Variants in ZNF90 observed in about 807,000 individuals in gnomAD.
ZNF90 encodes the protein zinc finger protein 90.
ZNF90 carries 11 observed loss-of-function variants against 12.0 expected under a neutral mutation model. That is an observed-to-expected ratio of 0.92 (90% CI 0.58 to 1.52). The LOEUF (loss-of-function observed/expected upper bound fraction) is 1.52. Among genes scored for constraint, ZNF90 ranks in the 40% most tolerant of loss-of-function variants. The pLI is 0.00. For synonymous variants in ZNF90, 232 were observed against 240.1 expected, an observed-to-expected ratio of 0.97 and a Z score of 0.31; for missense variants, 765 against 711.5, an observed-to-expected ratio of 1.08 and a Z score of -0.86.
chr19:20,112,233 AT>A lies in ZNF90; in HGVS notation c.227-5532del, dbSNP rs35771879. ...AAAGGTTTCATGTATAATAATTTTG[AT>A]TTTTTTTTTTTTTTTGAGACTGAGT... On this transcript the variant is annotated intron_variant, in intron 3 of 3. Transcript: ENST00000418063. 4.5e-3 allele frequency among the ~76,000 whole-genome samples: 620 copies of A among 137,364 alleles called. 1 individual carries two copies. Among genetic ancestry groups the A allele is most frequent in the African/African-American group, 5.0e-3 (185 of 37,172 alleles). 90.1% of individuals were successfully genotyped at this position (137,364 alleles called of 152,430 possible).
intron 3 of ZNF90, among the ~76,000 whole-genome samples, chr19:20,106,548 G>C (rs1568289232): frequency 6.6e-6 from 1 of 152,184 alleles, no homozygotes. Flanking sequence ...CCGCCTCCCA[G>C]GTTCACGCCA....
intron 3 of ZNF90, among the ~76,000 whole-genome samples, chr19:20,116,755 A>AT (rs776222433): frequency 4.2e-4 from 63 of 151,796 alleles, no homozygotes; most frequent in Admixed American, 1.4e-3. Context: ...TAAATGGCTT[A>AT]TTTTTTTTAA....
Position 20,118,744 on chromosome 19 carries a change from A to G in ZNF90, c.1190A>G (p.Tyr397Cys). 2 of 1,608,834 alleles carry G rather than the reference A, an allele frequency of 1.2e-6. No homozygotes were observed. The highest frequency in any genetic ancestry group is 8.5e-7 in the Non-Finnish European group (1 of 1,177,510). ...ATAAGTCATAGTGAAAAGAAACCCT[A>G]CAAATGTGAAGAATGTGGCAAAGCC... ...HKISHSEKKP[Y>C]KCEECGKAFK... is the part of the protein sequence containing the mutation. Residue 397 changes from tyrosine to cysteine, a missense_variant, in exon 4 of 4, where the codon TAC becomes TGC. Tyr to Cys is a radical substitution (Grantham distance 194). Coordinates refer to ENST00000418063, the MANE Select transcript of ZNF90 (RefSeq NM_007138.2).
intron 1 of ZNF90, among the ~76,000 whole-genome samples, chr19:20,092,859 A>T (rs950009251): frequency 5.9e-5 from 9 of 152,222 alleles, no homozygotes; most frequent in African/African-American, 2.2e-4. Flanking sequence ...TGTTGAGAAG[A>T]TTCAAAGGAG....
chr19:20,095,597 C>T (rs2088938093), intron 1 of ZNF90, among the ~76,000 whole-genome samples: 1 of 151,150 alleles, frequency 6.6e-6, no homozygotes, highest in African/African-American at 2.4e-5. Flanking sequence ...GATTGGGGCA[C>T]AGAGATAAGA....
At chr19:20,112,983 T>G (rs1175960163) in intron 3 of ZNF90, among the ~76,000 whole-genome samples, 3 of 152,146 alleles carry the variant, frequency 2.0e-5, no homozygotes, top group Non-Finnish European at 2.9e-5. Flanking sequence ...GTGGTTTGAT[T>G]TTTTTGTTTA....
At chr19:20,112,158 A>G (rs1555705206) in intron 3 of ZNF90, among the ~76,000 whole-genome samples, 2 of 150,994 alleles carry the variant, frequency 1.3e-5, no homozygotes, top group Non-Finnish European at 3.0e-5. Flanking sequence ...TGCCCAGTCG[A>G]TTTATTCAGA....
chr19:20,106,044 C>CT (rs56933917), intron 3 of ZNF90, among the ~76,000 whole-genome samples: 13,804 of 70,438 alleles, frequency 0.2, 1,120 homozygotes, highest in East Asian at 0.29. Context: ...CTAATTTTTT[C>CT]TTTTTTTTTT....
chr19:20,112,585 G>T (rs1416962573), intron 3 of ZNF90, among the ~76,000 whole-genome samples: 1 of 152,098 alleles, frequency 6.6e-6, no homozygotes, highest in East Asian at 1.9e-4. Flanking sequence ...GCCTCCCAAA[G>T]TGTTGGGATT....
intron 1 of ZNF90, among the ~76,000 whole-genome samples, chr19:20,103,791 A>G (rs2089008432): frequency 6.6e-6 from 1 of 152,160 alleles, no homozygotes; most frequent in African/African-American, 2.4e-5. Context: ...TAGAAATTCA[A>G]AAAATCAGAC....
At chr19:20,087,892 A>G (rs564748315) in intron 1 of ZNF90, among the ~76,000 whole-genome samples, 5 of 152,146 alleles carry the variant, frequency 3.3e-5, no homozygotes, top group Non-Finnish European at 7.3e-5. Context: ...GGGGGTCGCA[A>G]GGTGCTCAGT....
chr19:20,081,230 C>G (rs2088817529), intron 1 of ZNF90, among the ~76,000 whole-genome samples: 2 of 152,038 alleles, frequency 1.3e-5, no homozygotes, highest in Non-Finnish European at 2.9e-5. Flanking sequence ...GCTCTTTTGC[C>G]CAGGCTGGAG....
chr19:20,094,429 G>A (rs1291162676), intron 1 of ZNF90, among the ~76,000 whole-genome samples: 2 of 152,228 alleles, frequency 1.3e-5, no homozygotes, highest in Non-Finnish European at 2.9e-5. Flanking sequence ...TTGCTGCTAA[G>A]CGGGCCACGA....
intron 3 of ZNF90, among the ~76,000 whole-genome samples, chr19:20,108,026 AT>A (rs542050888): frequency 2.0e-3 from 309 of 152,198 alleles, no homozygotes; most frequent in Non-Finnish European, 3.6e-3. Context: ...AAAAATATAT[AT>A]TTTTTCTATA....
At chr19:20,095,573 G>C (rs1414475263) in intron 1 of ZNF90, among the ~76,000 whole-genome samples, 2 of 152,002 alleles carry the variant, frequency 1.3e-5, no homozygotes, top group African/African-American at 2.4e-5. Context: ...GGGGGTCAGG[G>C]CATGGAAATA....
intron 3 of ZNF90, among the ~76,000 whole-genome samples, chr19:20,112,745 G>GC (rs1555705271): frequency 6.6e-6 from 1 of 151,878 alleles, no homozygotes; most frequent in Non-Finnish European, 1.5e-5. Flanking sequence ...GGTTAGAAAT[G>GC]TTTTTTTGTT....
At chr19:20,094,868 C>A (rs1407044438) in intron 1 of ZNF90, among the ~76,000 whole-genome samples, 1 of 152,304 alleles carries the variant, frequency 6.6e-6, no homozygotes, top group East Asian at 1.9e-4. Context: ...TACATGTACC[C>A]TGACTATGCC....
At chr19:20,092,436 G>A (rs782048389) in intron 1 of ZNF90, among the ~76,000 whole-genome samples, 1 of 152,150 alleles carries the variant, frequency 6.6e-6, no homozygotes, top group Non-Finnish European at 1.5e-5. Context: ...GCACAGCCCT[G>A]CACTTCGGCT....
chr19:20,112,076 C>T (rs1555705198), intron 3 of ZNF90, among the ~76,000 whole-genome samples: 1 of 151,942 alleles, frequency 6.6e-6, no homozygotes, highest in African/African-American at 2.4e-5. Context: ...CCAGGCTGGT[C>T]GCAAGCTTCT....
Sources: gnomAD v4.1 joint callset for allele counts (sites outside exome capture counted in the v4.1 genomes callset) on GRCh38, gnomAD v4.1.1 for gene constraint, MANE v1.5 for transcripts, NCBI Gene and HGNC (gene_info 2026-07-23, HGNC 2026-07-21) for gene names.